PDE4D: variants seen among roughly 807,000 people sequenced by gnomAD.
PDE4D encodes phosphodiesterase 4D.
Under a neutral mutation model 87.4 loss-of-function variants are expected in PDE4D, and 24 were observed. That is an observed-to-expected ratio of 0.27 (90% CI 0.20 to 0.39). PDE4D has a LOEUF of 0.39. Ranked by LOEUF, PDE4D falls within the 10% of genes least tolerant of loss-of-function variation. The pLI, the probability that PDE4D is intolerant of heterozygous loss-of-function variation, is 1.00. For synonymous variants in PDE4D, 384 were observed against 383.2 expected, an observed-to-expected ratio of 1.00 and a Z score of -0.02; for missense variants, 714 against 1,041.0, an observed-to-expected ratio of 0.69 and a Z score of 4.32.
At chr5:59,735,880 G>GC (rs1490357889) in intron 1 of PDE4D, among the ~76,000 whole-genome samples, 4 of 152,166 alleles carry the variant, frequency 2.6e-5, no homozygotes. Context: ...TGTTGGTCAG[G>GC]CTGATCTTGA....
At chr5:59,691,787 A>C (rs537907422) in intron 1 of PDE4D, among the ~76,000 whole-genome samples, 1 of 152,242 alleles carries the variant, frequency 6.6e-6, no homozygotes, top group Non-Finnish European at 1.5e-5. Context: ...ATGTGCAAAA[A>C]ATAAGCTTAA....
intron 5 of PDE4D, chr5:59,174,603 T>C (rs963947830): frequency 5.9e-5 from 9 of 152,426 alleles, no homozygotes; most frequent in Admixed American, 4.6e-4. Flanking sequence ...ATATGTCCAG[T>C]GAGAGGTTGG....
chr5:60,012,813 G>T (rs1765143828), intron 2 of PDE4D, among the ~76,000 whole-genome samples: 2 of 152,242 alleles, frequency 1.3e-5, no homozygotes, highest in Admixed American at 1.3e-4. Flanking sequence ...AAAATTTAAA[G>T]GGGTTCTGAT....
At chr5:59,503,181 T>C (rs896317946) in intron 1 of PDE4D, among the ~76,000 whole-genome samples, 1 of 152,106 alleles carries the variant, frequency 6.6e-6, no homozygotes, top group Non-Finnish European at 1.5e-5. Flanking sequence ...TCTGGAGCTC[T>C]TAGGTAATTT....
chr5:60,011,614 A>G (rs1052516833), intron 2 of PDE4D, among the ~76,000 whole-genome samples: 2 of 152,144 alleles, frequency 1.3e-5, no homozygotes, highest in African/African-American at 4.8e-5. Flanking sequence ...TAAAAACAGC[A>G]GTCTATGCAT....
At chr5:59,472,995 A>G (rs1802692405) in intron 1 of PDE4D, among the ~76,000 whole-genome samples, 1 of 151,740 alleles carries the variant, frequency 6.6e-6, no homozygotes, top group Non-Finnish European at 1.5e-5. Flanking sequence ...TAATCTAGCA[A>G]TAAGAGCATG....
rs1443360102 is a variant in PDE4D, at chr5:60,298,911, T to C, written c.-89-113224A>G. Among the ~76,000 whole-genome samples, 3 of 152,332 alleles carry C rather than the reference T, an allele frequency of 2.0e-5. 1 individual carries two copies. Among genetic ancestry groups the C allele is most frequent in the Admixed American group, 6.5e-5 (1 of 15,306 alleles). The stretch of plus-strand genomic sequence containing the variant: ...TAAATTCAAACACAGTGCGATTCTG[T>C]TATATTTCAACAGTCACCACGGAAC... On this transcript the variant is annotated intron_variant, in intron 1 of 16. Coordinates refer to the PDE4D transcript ENST00000502484.
intron 1 of PDE4D, among the ~76,000 whole-genome samples, chr5:60,293,184 A>C (rs1753059649): frequency 6.6e-6 from 1 of 152,024 alleles, no homozygotes; most frequent in Non-Finnish European, 1.5e-5. Context: ...CCTGTTGAAG[A>C]GTCATTAGAA....
At chr5:59,733,798 G>A (rs1172027418) in intron 1 of PDE4D, among the ~76,000 whole-genome samples, 1 of 151,810 alleles carries the variant, frequency 6.6e-6, no homozygotes, top group African/African-American at 2.4e-5. Context: ...TAACCTTTGT[G>A]GATGAGTATT....
At chr5:60,202,430 G>A (rs1488185951) in intron 1 of PDE4D, among the ~76,000 whole-genome samples, 3 of 152,122 alleles carry the variant, frequency 2.0e-5, no homozygotes. Context: ...GCCTCCCAAA[G>A]TACTGGGATT....
chr5:59,460,658 T>A (rs149173924), intron 1 of PDE4D, among the ~76,000 whole-genome samples: 1 of 152,082 alleles, frequency 6.6e-6, no homozygotes, highest in Non-Finnish European at 1.5e-5. Context: ...GGTGACTGCC[T>A]TTTCCTGGAA....
chr5:58,999,866 T>G (rs1451318439), intron 6 of PDE4D: 1 of 986,994 alleles, frequency 1.0e-6, no homozygotes, highest in African/African-American at 1.7e-5. Context: ...GCTTAATGAA[T>G]AATGTATGTC....
intron 5 of PDE4D, among the ~76,000 whole-genome samples, chr5:59,121,777 T>C (rs1774543378): frequency 6.6e-6 from 1 of 152,184 alleles, no homozygotes; most frequent in African/African-American, 2.4e-5. Flanking sequence ...CCCAAGTTTA[T>C]TGCAGCACTA....
intron 1 of PDE4D, among the ~76,000 whole-genome samples, chr5:59,288,295 C>T (rs913651038): frequency 2.0e-5 from 3 of 151,462 alleles, no homozygotes; most frequent in Non-Finnish European, 2.9e-5. Flanking sequence ...AGTTAAAACA[C>T]GCAACTGACA....
chr5:59,217,985 C>G (rs1751638523), intron 1 of PDE4D: 1 of 485,680 alleles, frequency 2.1e-6, no homozygotes, highest in African/African-American at 2.0e-5. Context: ...GGATGAATGA[C>G]TAACTCAGGC....
At chr5:60,021,995 G>T (rs1371940336) in intron 2 of PDE4D, 1 of 152,156 alleles carries the variant, frequency 6.6e-6, no homozygotes, top group African/African-American at 2.4e-5. Flanking sequence ...TTGCAGGTGT[G>T]AGCCATCACA....
intron 1 of PDE4D, among the ~76,000 whole-genome samples, chr5:60,273,063 C>G (rs1440180694): frequency 6.6e-6 from 1 of 152,016 alleles, no homozygotes; most frequent in East Asian, 1.9e-4. Context: ...AGACATCAGG[C>G]TTGATGCTAA....
chr5:60,078,434 A>G (rs974932400), intron 2 of PDE4D, among the ~76,000 whole-genome samples: 3 of 151,984 alleles, frequency 2.0e-5, no homozygotes, highest in African/African-American at 7.3e-5. Flanking sequence ...TTTCTTGTAA[A>G]AAAAACGGGA....
intron 1 of PDE4D, among the ~76,000 whole-genome samples, chr5:59,765,921 A>G (rs1415567709): frequency 1.3e-5 from 2 of 152,222 alleles, no homozygotes; most frequent in Non-Finnish European, 2.9e-5. Flanking sequence ...GTTCTTGCTC[A>G]ACTTTGTAAT....
Sources: allele counts gnomAD v4.1 joint callset (sites outside exome capture counted in the v4.1 genomes callset), GRCh38; gene constraint gnomAD v4.1.1; transcripts MANE v1.5; gene names NCBI Gene and HGNC (gene_info 2026-07-23, HGNC 2026-07-21).